Variants in FYN observed in about 807,000 individuals in gnomAD.
The protein encoded by FYN is FYN proto-oncogene, Src family tyrosine kinase, also known as tyrosine-protein kinase Fyn.
In FYN, 10 loss-of-function variants were observed where a neutral mutation model predicts 70.2. The observed-to-expected ratio is 0.14, with a 90% CI of 0.09 to 0.24. The LOEUF is 0.24. Among genes scored for constraint, FYN ranks in the 10% least tolerant of loss-of-function variants. FYN has a pLI of 1.00. For synonymous variants in FYN, 236 were observed against 248.6 expected, an observed-to-expected ratio of 0.95 and a Z score of 0.48; for missense variants, 319 against 673.1, an observed-to-expected ratio of 0.47 and a Z score of 5.82.
chr6:111,757,640 T>C (rs561823928), intron 3 of FYN, among the ~76,000 whole-genome samples: 20 of 152,294 alleles, frequency 1.3e-4, no homozygotes, highest in African/African-American at 4.6e-4. Flanking sequence ...AGGAAGGAGA[T>C]GGATGCTATG....
intron 2 of FYN, among the ~76,000 whole-genome samples, chr6:111,792,738 T>C (rs1306679328): frequency 1.3e-5 from 2 of 152,212 alleles, no homozygotes; most frequent in African/African-American, 2.4e-5. Flanking sequence ...TGTCCCCTAG[T>C]CTTGCGGCAG....
At chr6:111,704,534 A>T (rs1172129407) in intron 6 of FYN, among the ~76,000 whole-genome samples, 1 of 152,058 alleles carries the variant, frequency 6.6e-6, no homozygotes, top group Non-Finnish European at 1.5e-5. Flanking sequence ...TGGGCAGATC[A>T]CCTGAGGTCA....
intron 3 of FYN, among the ~76,000 whole-genome samples, chr6:111,778,764 G>C (rs1380681639): frequency 6.6e-6 from 1 of 151,988 alleles, no homozygotes; most frequent in Non-Finnish European, 1.5e-5. Context: ...AAAGTGCTGG[G>C]ATTGCAGGCG....
At position 111,707,914 on chromosome 6, in the gene FYN, A is replaced by C; in HGVS notation, c.443+8T>G. On this transcript the variant is annotated splice_region_variant and intron_variant, in intron 6 of 13. Transcript: ENST00000354650. ...CAAGTAGTTAAGTGAAAACAAAATG[A>C]AACATACTCTTCTGCCTGGATAGAG... The C allele has an allele frequency of 1.2e-6, 2 of 1,605,178 alleles. No homozygotes were observed. The highest frequency in any genetic ancestry group is 2.7e-5 in the African/African-American group (2 of 74,872).
At chr6:111,719,727 G>T in intron 4 of FYN, 78 bp downstream of exon 4, 1 of 1,505,986 alleles carries the variant, frequency 6.6e-7, no homozygotes, top group Non-Finnish European at 9.1e-7. Context: ...GGGAAGTGAT[G>T]GGAACCCAGA....
intron 3 of FYN, among the ~76,000 whole-genome samples, chr6:111,772,046 G>A (rs935094242): frequency 2.6e-5 from 4 of 152,184 alleles, no homozygotes; most frequent in African/African-American, 9.7e-5. Flanking sequence ...CATAGAGTCT[G>A]GGTGACCTTG....
chr6:111,681,033 T>TTC (rs1798758186), intron 12 of FYN, among the ~76,000 whole-genome samples: 1 of 45,730 alleles, frequency 2.2e-5, no homozygotes, highest in Non-Finnish European at 5.3e-5. Context: ...TTTAATTTAA[T>TTC]TTTTTTTTTT....
chr6:111,750,398 G>T lies in FYN; in HGVS notation c.-12+30168C>A, dbSNP rs1802432128. On this transcript the variant is annotated intron_variant, in intron 3 of 13. Coordinates refer to ENST00000354650, the MANE Select transcript of FYN (RefSeq NM_002037.5). Reference sequence around the variant, plus strand: ...ATGCCTCGCTTCCCCTTTGCCTTCCGCCATGATTGGAAGCTTCCGGAGGCC... The same window carrying T: ...ATGCCTCGCTTCCCCTTTGCCTTCCTCCATGATTGGAAGCTTCCGGAGGCC... Among the ~76,000 whole-genome samples, 2 of 152,188 alleles carry T rather than the reference G, an allele frequency of 1.3e-5. 1 individual carries two copies. Among genetic ancestry groups the T allele is most frequent in the African/African-American group, 4.8e-5 (2 of 41,522 alleles).
intron 2 of FYN, among the ~76,000 whole-genome samples, chr6:111,790,892 G>A (rs985872723): frequency 1.3e-5 from 2 of 152,124 alleles, no homozygotes; most frequent in Non-Finnish European, 2.9e-5. Flanking sequence ...ATGACAAAAC[G>A]TTATTGAGAG....
At chr6:111,811,766 G>T (rs1253937235) in intron 2 of FYN, among the ~76,000 whole-genome samples, 1 of 152,162 alleles carries the variant, frequency 6.6e-6, no homozygotes, top group Non-Finnish European at 1.5e-5. Context: ...CCAGGAATTT[G>T]GAGTTCGAAA....
chr6:111,717,191 T>C (rs1800688036), intron 4 of FYN, among the ~76,000 whole-genome samples: 1 of 152,230 alleles, frequency 6.6e-6, no homozygotes, highest in South Asian at 2.1e-4. Context: ...GGACTTGTTG[T>C]TAAACGTCAA....
chr6:111,712,869 G>C (rs1800450660), intron 5 of FYN, among the ~76,000 whole-genome samples: 1 of 152,152 alleles, frequency 6.6e-6, no homozygotes, highest in Non-Finnish European at 1.5e-5. Context: ...TTTGAAAATT[G>C]TGGTAAAATA....
chr6:111,829,841 C>T (rs941386055), intron 2 of FYN, among the ~76,000 whole-genome samples: 1 of 152,180 alleles, frequency 6.6e-6, no homozygotes, highest in Non-Finnish European at 1.5e-5. Flanking sequence ...AGGGCCTACC[C>T]TGTGCCTGGC....
At chr6:111,736,415 C>T (rs1269197819) in intron 3 of FYN, among the ~76,000 whole-genome samples, 1 of 152,180 alleles carries the variant, frequency 6.6e-6, no homozygotes, top group Non-Finnish European at 1.5e-5. Flanking sequence ...GCTCATCCAC[C>T]AGCAAGAGTC....
chr6:111,741,983 T>C (rs1801997625), intron 3 of FYN, among the ~76,000 whole-genome samples: 1 of 152,192 alleles, frequency 6.6e-6, no homozygotes, highest in African/African-American at 2.4e-5. Flanking sequence ...TGTCTTGCTC[T>C]TTCTGTAGGA....
chr6:111,854,088 G>A (rs1773760234), intron 1 of FYN, among the ~76,000 whole-genome samples: 1 of 152,142 alleles, frequency 6.6e-6, no homozygotes, highest in Non-Finnish European at 1.5e-5. Flanking sequence ...TTGTTCAGAT[G>A]TTTCACTTCA....
chr6:111,711,738 G>T (rs1177292367), intron 5 of FYN, among the ~76,000 whole-genome samples: 1 of 152,228 alleles, frequency 6.6e-6, no homozygotes. Context: ...GAGGATGGGG[G>T]AGGGGAGGAG....
intron 3 of FYN, among the ~76,000 whole-genome samples, chr6:111,748,321 T>C (rs935460285): frequency 6.6e-6 from 1 of 152,228 alleles, no homozygotes; most frequent in South Asian, 2.1e-4. Context: ...AGGGAACTTT[T>C]GACATTAAGG....
intron 3 of FYN, among the ~76,000 whole-genome samples, chr6:111,749,689 TCTC>T (rs1251078879): frequency 2.0e-5 from 3 of 152,218 alleles, no homozygotes; most frequent in Non-Finnish European, 4.4e-5. Context: ...TTGTAGAGTT[TCTC>T]CTTTTTCTTT....
Sources: gnomAD v4.1 joint callset for allele counts (sites outside exome capture counted in the v4.1 genomes callset) on GRCh38, gnomAD v4.1.1 for gene constraint, MANE v1.5 for transcripts, NCBI Gene and HGNC (gene_info 2026-07-23, HGNC 2026-07-21) for gene names.